DUSP29: variants seen among roughly 807,000 people sequenced by gnomAD.
The protein encoded by DUSP29 is atypical dual-specific protein phosphatase.
DUSP29 carries 12 observed loss-of-function variants against 13.5 expected under a neutral mutation model. That is an observed-to-expected ratio of 0.89 (90% CI 0.57 to 1.44). The LOEUF is 1.44. Ranked by LOEUF, DUSP29 falls within the 40% of genes most tolerant of loss-of-function variation. The pLI is 0.00. For synonymous variants in DUSP29, 134 were observed against 128.7 expected, an observed-to-expected ratio of 1.04 and a Z score of -0.28; for missense variants, 308 against 301.1, an observed-to-expected ratio of 1.02 and a Z score of -0.17.
At chr10:75,063,886 T>C (rs1847140828) in intron 1 of DUSP29, among the ~76,000 whole-genome samples, 1 of 152,014 alleles carries the variant, frequency 6.6e-6, no homozygotes, top group African/African-American at 2.4e-5. Flanking sequence ...AATAAAAATG[T>C]AAGGAGAAAA....
At chr10:75,054,443 T>C (rs1846912239) in intron 2 of DUSP29, among the ~76,000 whole-genome samples, 2 of 152,174 alleles carry the variant, frequency 1.3e-5, no homozygotes, top group Non-Finnish European at 2.9e-5. Context: ...TATAATTAAA[T>C]ATATAAGAAG....
chr10:75,057,401 G>C (rs1460312134), intron 2 of DUSP29, among the ~76,000 whole-genome samples: 1 of 152,208 alleles, frequency 6.6e-6, no homozygotes, highest in African/African-American at 2.4e-5. Flanking sequence ...GGGAGGAGCA[G>C]TTAAGAACAA....
chr10:75,067,381 T>C (rs941509321), intron 1 of DUSP29, among the ~76,000 whole-genome samples: 16 of 152,212 alleles, frequency 1.1e-4, no homozygotes, highest in African/African-American at 3.4e-4. Context: ...TTCCTTCCCC[T>C]CTGACTTCAG....
At chr10:75,052,596 C>T (rs4478928) in intron 2 of DUSP29, among the ~76,000 whole-genome samples, 33,879 of 152,038 alleles carry the variant, frequency 0.22, 6,266 homozygotes, top group African/African-American at 0.5. Context: ...CGTGAGCCAA[C>T]GCGCCCGGCC....
intron 2 of DUSP29, among the ~76,000 whole-genome samples, chr10:75,049,340 G>A (rs1343676731): frequency 6.6e-6 from 1 of 152,238 alleles, no homozygotes; most frequent in Non-Finnish European, 1.5e-5. Context: ...GGATGGAGGT[G>A]AAGAGAAGAG....
At chr10:75,066,277 TC>T (rs1305289568) in intron 1 of DUSP29, among the ~76,000 whole-genome samples, 2 of 151,856 alleles carry the variant, frequency 1.3e-5, no homozygotes, top group Non-Finnish European at 2.9e-5. Context: ...GAACGGGGGT[TC>T]CCAACCTTCA....
chr10:75,066,930 CA>C (rs1242171094), intron 1 of DUSP29, among the ~76,000 whole-genome samples: 7 of 150,914 alleles, frequency 4.6e-5, no homozygotes, highest in Admixed American at 1.3e-4. Flanking sequence ...GAAGCTTATT[CA>C]ATTTCTTTTT....
intron 1 of DUSP29, among the ~76,000 whole-genome samples, chr10:75,062,314 A>G (rs1847107733): frequency 6.6e-6 from 1 of 152,186 alleles, no homozygotes; most frequent in Non-Finnish European, 1.5e-5. Context: ...CGGTTAATGG[A>G]AGCTTCAGAA....
rs1227839968 is a variant in DUSP29 at position 75,043,733 on chromosome 10, CGGGCGGGGCGAGTCG to C, written c.421+49_421+63del. On this transcript the variant is annotated intron_variant, in intron 3 of 3. Coordinates refer to ENST00000338487, the MANE Select transcript of DUSP29 (RefSeq NM_001003892.3). ...CGGGGAAGGGGCGGGGCCTAAGCTACGGGCGGGGCGAGTCGGGGCGGGGCGGGGCGGGGCCGATCG... is the reference window on the plus strand; with the variant it reads ...CGGGGAAGGGGCGGGGCCTAAGCTACGGGCGGGGCGGGGCGGGGCCGATCG... 12 of 1,209,008 alleles carry C rather than the reference CGGGCGGGGCGAGTCG, an allele frequency of 9.9e-6. No individual in the cohort carries two copies. The African/African-American group carries it at 1.6e-4, about 16-fold the overall frequency. The allele number at this position is 1,209,008 out of a possible 1,614,324, so 74.9% of individuals were successfully genotyped here. A position where few individuals can be genotyped will look rare whatever the true frequency, so the allele number is the denominator to read the frequency against.
rs1292521263 is a variant in DUSP29, at chr10:75,070,047, C to CA, written c.-35+3521dup. On this transcript the variant is annotated intron_variant, in intron 1 of 3. Coordinates refer to ENST00000338487, the MANE Select transcript of DUSP29 (RefSeq NM_001003892.3). ...CCTGGGTGACAGAGTGAGACCTTGT[C>CA]AAAAAAAAAAGAAAGAAAGAAGAAA... Among the ~76,000 whole-genome samples, 220 of 96,808 alleles carry CA rather than the reference C, an allele frequency of 2.3e-3. 3 individuals carry two copies. Among genetic ancestry groups the CA allele is most frequent in the East Asian group, 6.6e-3 (23 of 3,508 alleles). The allele number at this position is 96,808 out of a possible 152,430, so 63.5% of individuals were successfully genotyped here. A position where few individuals can be genotyped will look rare whatever the true frequency, so the allele number is the denominator to read the frequency against.
chr10:75,056,479 G>A (rs1304255324), intron 2 of DUSP29, among the ~76,000 whole-genome samples: 1 of 151,108 alleles, frequency 6.6e-6, no homozygotes, highest in African/African-American at 2.4e-5. Flanking sequence ...AGTGAGCCGA[G>A]ATTGCGCCAT....
At chr10:75,049,111 GTAGTT>G (rs1317823753) in intron 2 of DUSP29, among the ~76,000 whole-genome samples, 3 of 152,188 alleles carry the variant, frequency 2.0e-5, no homozygotes, top group African/African-American at 7.2e-5. Context: ...GGGATTATAT[GTAGTT>G]TAAATTTTCT....
chr10:75,048,646 T>A (rs1026226994), intron 2 of DUSP29, among the ~76,000 whole-genome samples: 2 of 152,182 alleles, frequency 1.3e-5, no homozygotes, highest in Non-Finnish European at 2.9e-5. Context: ...GTAATCCACC[T>A]GCCTCCACCT....
chr10:75,043,732 A>G (rs1285578987), intron 3 of DUSP29, 65 bp downstream of exon 3: 3 of 1,253,974 alleles, frequency 2.4e-6, no homozygotes, highest in Non-Finnish European at 3.1e-6. Flanking sequence ...GGCCTAAGCT[A>G]CGGGCGGGGC....
At chr10:75,038,332 A>G (rs1048448208) in intron 3 of DUSP29, among the ~76,000 whole-genome samples, 1 of 152,124 alleles carries the variant, frequency 6.6e-6, no homozygotes, top group African/African-American at 2.4e-5. Flanking sequence ...CTGAGCTCCT[A>G]CAGTGTGGCT....
In DUSP29 at chr10:75,037,853, C is replaced by A; in HGVS notation, c.646G>T (p.Asp216Tyr). The change falls in exon 4 of 4, where the codon GAT (aspartate) becomes TAT (tyrosine). Residue 216 changes from aspartate to tyrosine, a missense_variant. Asp to Tyr is a radical substitution (Grantham distance 160). Transcript: ENST00000338487. ...AGTCGGGCCTACAGCTCCCTGCCAT[C>A]CTCCTCCTCACCGTCCTGGCGCTGG... ...RSQRQDGEEE[D>Y]GREL The A allele has an allele frequency of 6.2e-7, 1 of 1,607,272 alleles. No homozygotes were observed. Among genetic ancestry groups the A allele is most frequent in the South Asian group, 1.1e-5 (1 of 90,870 alleles).
chr10:75,037,771 G>A lies in DUSP29; in HGVS notation c.*65C>T. On this transcript the variant is annotated 3_prime_UTR_variant, in exon 4 of 4. Transcript: ENST00000338487. ...CACCATCCCTTCTCTGGAGTCCTAG[G>A]CCAGGGCTATGTTCTGCCTCTCCCC... 1 of 1,539,414 alleles carries A rather than the reference G, an allele frequency of 6.5e-7. No homozygotes were observed. Among genetic ancestry groups the A allele is most frequent in the Non-Finnish European group, 8.7e-7 (1 of 1,146,840 alleles).
Position 75,043,728 on chromosome 10 carries a change from A to G in DUSP29, c.421+69T>C, listed in dbSNP as rs1194047951. The G allele has an allele frequency of 1.0e-5, 14 of 1,362,016 alleles. No homozygotes were observed. The East Asian group carries it at 3.1e-4, about 31-fold the overall frequency. 84.4% of individuals were successfully genotyped at this position (1,362,016 alleles called of 1,614,324 possible). A position where few individuals can be genotyped will look rare whatever the true frequency, so the allele number is the denominator to read the frequency against. Reference sequence around the variant, plus strand: ...TGGGGCGGGGAAGGGGCGGGGCCTAAGCTACGGGCGGGGCGAGTCGGGGCG... The same window carrying G: ...TGGGGCGGGGAAGGGGCGGGGCCTAGGCTACGGGCGGGGCGAGTCGGGGCG... On this transcript the variant is annotated intron_variant, in intron 3 of 3. Coordinates refer to ENST00000338487, the MANE Select transcript of DUSP29 (RefSeq NM_001003892.3).
chr10:75,044,447 C>T (rs1306965432), intron 2 of DUSP29, among the ~76,000 whole-genome samples: 2 of 152,008 alleles, frequency 1.3e-5, no homozygotes, highest in African/African-American at 4.8e-5. Flanking sequence ...TGGAGATGGA[C>T]GCTCAACTGA....
Sources: allele counts gnomAD v4.1 joint callset (sites outside exome capture counted in the v4.1 genomes callset), GRCh38; gene constraint gnomAD v4.1.1; transcripts MANE v1.5; gene names NCBI Gene and HGNC (gene_info 2026-07-23, HGNC 2026-07-21).